The following WWP2 variants were observed in gnomAD, a reference collection of about 807,000 sequenced individuals.
WWP2 encodes the protein WW domain containing E3 ubiquitin protein ligase 2.
A neutral mutation model predicts 121.0 loss-of-function variants in WWP2; 57 were observed. That is an observed-to-expected ratio of 0.47 (90% confidence interval 0.38 to 0.59). WWP2 has a LOEUF of 0.59. Among genes scored for constraint, WWP2 ranks in the 20% least tolerant of loss-of-function variants. WWP2 has a pLI of 0.00. For missense variants in WWP2, 962 were observed against 1,158.9 expected, an observed-to-expected ratio of 0.83 and a Z score of 2.47; for synonymous variants, 449 against 441.3, an observed-to-expected ratio of 1.02 and a Z score of -0.22.
chr16:69,878,808 T>C (rs923988278), intron 7 of WWP2, among the ~76,000 whole-genome samples: 1 of 152,232 alleles, frequency 6.6e-6, no homozygotes, highest in African/African-American at 2.4e-5. Context: ...CTGCTGTAAA[T>C]ACCTGTATAT....
chr16:69,927,028 C>T (rs894732703), intron 11 of WWP2, among the ~76,000 whole-genome samples: 1 of 151,954 alleles, frequency 6.6e-6, no homozygotes, highest in Admixed American at 6.6e-5. Context: ...GAAAACAGCT[C>T]TCGAATGCTA....
chr16:69,917,831 G>A lies in WWP2; in HGVS notation c.1127G>A (p.Arg376Gln), dbSNP rs778337264. 1.5e-5 allele frequency: 24 copies of A among 1,613,856 alleles called. No homozygotes were observed. The highest frequency in any genetic ancestry group is 1.7e-5 in the Admixed American group (1 of 60,000). Residue 376 changes from arginine (R) to glutamine (Q), a missense_variant, in exon 10 of 24, where the codon CGG becomes CAG. Transcript: ENST00000359154. ...VRNYEQWQSQ[R>Q]NQLQGAMQHF... ...AACTATGAGCAGTGGCAGTCGCAGCGGAATCAGCTCCAGGGGGCCATGCAG... is the reference window on the plus strand; with the variant it reads ...AACTATGAGCAGTGGCAGTCGCAGCAGAATCAGCTCCAGGGGGCCATGCAG...
In WWP2 at chr16:69,926,601, G is replaced by A. The variant is rs189679717; in HGVS notation, c.1234+1117G>A. 1.6e-4 allele frequency among the ~76,000 whole-genome samples: 25 copies of A among 152,280 alleles called. 1 individual carries two copies. The East Asian group carries it at 3.3e-3, about 20-fold the overall frequency. ...TGTTATACCTGCAGGGTACCACTTA[G>A]TCAATGAGCACTGCAGTCCAGTGTG... On this transcript the variant is annotated intron_variant, in intron 11 of 23. Transcript: ENST00000359154.
chr16:69,850,438 T>G (rs2057186489), intron 6 of WWP2, among the ~76,000 whole-genome samples: 1 of 150,170 alleles, frequency 6.7e-6, no homozygotes, highest in Non-Finnish European at 1.5e-5. Flanking sequence ...TCAGGGAGTG[T>G]CTCTAGTAGG....
intron 4 of WWP2, among the ~76,000 whole-genome samples, chr16:69,828,317 C>G (rs2056738696): frequency 6.6e-6 from 1 of 152,162 alleles, no homozygotes; most frequent in Non-Finnish European, 1.5e-5. Context: ...TCCCATCTCT[C>G]TAGCTGTTCT....
chr16:69,894,242 A>C (rs1028464116), intron 8 of WWP2, among the ~76,000 whole-genome samples: 1 of 132,080 alleles, frequency 7.6e-6, no homozygotes. Context: ...TACCCAGGCT[A>C]TTTTTTTTTT....
At chr16:69,810,895 C>T (rs1458733087) in intron 4 of WWP2, among the ~76,000 whole-genome samples, 2 of 151,840 alleles carry the variant, frequency 1.3e-5, no homozygotes, top group African/African-American at 4.8e-5. Context: ...GGTGGGATTA[C>T]AGGTTCACAC....
chr16:69,820,297 C>T (rs1198259649), intron 4 of WWP2, among the ~76,000 whole-genome samples: 1 of 152,226 alleles, frequency 6.6e-6, no homozygotes, highest in Non-Finnish European at 1.5e-5. Flanking sequence ...GGCTGGAGTG[C>T]AGTGGTGCAT....
intron 7 of WWP2, among the ~76,000 whole-genome samples, chr16:69,879,668 G>A (rs974310827): frequency 2.6e-5 from 4 of 152,172 alleles, no homozygotes; most frequent in Non-Finnish European, 4.4e-5. Context: ...TTGGAATAAT[G>A]CGGGTGAGAA....
intron 4 of WWP2, among the ~76,000 whole-genome samples, chr16:69,806,106 C>G (rs2056269542): frequency 6.6e-6 from 1 of 152,098 alleles, no homozygotes; most frequent in Admixed American, 6.6e-5. Context: ...GTGACTGAGG[C>G]AGGAGGATCA....
chr16:69,901,769 C>T (rs2058209352), intron 8 of WWP2, among the ~76,000 whole-genome samples: 1 of 152,020 alleles, frequency 6.6e-6, no homozygotes, highest in Admixed American at 6.6e-5. Context: ...TTTGGTGTAT[C>T]AATTTATAAG....
chr16:69,792,263 A>G (rs1028545443), intron 2 of WWP2, among the ~76,000 whole-genome samples: 12 of 152,148 alleles, frequency 7.9e-5, no homozygotes, highest in Non-Finnish European at 2.9e-5. Flanking sequence ...ACACTGAAAA[A>G]CTGATCTCTG....
rs61285331 is a variant in WWP2, at chr16:69,794,953, G to A, written c.71-3729G>A. ...GTCTGGGGACTGGGCAGTAGCTCAT[G>A]TTTGTAATCCCAGCATTTTGGAAAG... On this transcript the variant is annotated intron_variant, in intron 2 of 23. Coordinates refer to ENST00000359154, the MANE Select transcript of WWP2 (RefSeq NM_001270454.2). Among the ~76,000 whole-genome samples, 203 of 152,298 alleles carry A rather than the reference G, an allele frequency of 1.3e-3. 8 individuals carry two copies. In the East Asian group the frequency reaches 0.036, roughly 27 times the overall value.
At chr16:69,815,260 C>A (rs1001963480) in intron 4 of WWP2, among the ~76,000 whole-genome samples, 1 of 152,098 alleles carries the variant, frequency 6.6e-6, no homozygotes, top group Non-Finnish European at 1.5e-5. Flanking sequence ...ATCTTGGCCT[C>A]CCAAAGTGCT....
At chr16:69,883,942 G>T (rs1183415623) in intron 7 of WWP2, among the ~76,000 whole-genome samples, 1 of 152,072 alleles carries the variant, frequency 6.6e-6, no homozygotes, top group East Asian at 1.9e-4. Flanking sequence ...TCTTTTCGTG[G>T]TCAGCTATTT....
In WWP2 at chr16:69,799,581, G is replaced by A. The variant is rs1358681247; in HGVS notation, c.340+286G>A. The A allele has an allele frequency of 1.2e-5, 4 of 337,744 alleles. No homozygotes were observed. Among genetic ancestry groups the A allele is most frequent in the African/African-American group, 6.3e-5 (3 of 47,802 alleles). The allele number at this position is 337,744 out of a possible 1,614,324, so 20.9% of individuals were successfully genotyped here. Reference sequence around the variant, plus strand: ...TCTGTCTGCCTCTGCTCCTCTTCCCGTTGCAGGAGATGTGTGATATGTTGA... The same window carrying A: ...TCTGTCTGCCTCTGCTCCTCTTCCCATTGCAGGAGATGTGTGATATGTTGA... On this transcript the variant is annotated intron_variant, in intron 4 of 23. Coordinates refer to ENST00000359154, the MANE Select transcript of WWP2 (RefSeq NM_001270454.2). The surrounding 1 kb of genome is among the most constrained non-coding windows in gnomAD (Gnocchi z 4.5).
intron 16 of WWP2, among the ~76,000 whole-genome samples, chr16:69,932,919 G>T (rs945063562): frequency 6.6e-6 from 1 of 152,208 alleles, no homozygotes; most frequent in African/African-American, 2.4e-5. Context: ...TCCCGGTGTG[G>T]GCATGTCTTC....
chr16:69,858,966 A>G (rs1239709967), intron 6 of WWP2, among the ~76,000 whole-genome samples: 1 of 152,232 alleles, frequency 6.6e-6, no homozygotes, highest in South Asian at 2.1e-4. Flanking sequence ...CTGCTGAACT[A>G]GACCAGCAAG....
At chr16:69,844,800 A>G (rs2057039779) in intron 6 of WWP2, among the ~76,000 whole-genome samples, 1 of 152,220 alleles carries the variant, frequency 6.6e-6, no homozygotes, top group South Asian at 2.1e-4. Context: ...GCAGGCTTTT[A>G]CTACGTGTAG....
Sources: allele counts gnomAD v4.1 joint callset (sites outside exome capture counted in the v4.1 genomes callset), GRCh38; gene constraint gnomAD v4.1.1; non-coding constraint Gnocchi (gnomAD v3.1); transcripts MANE v1.5; gene names NCBI Gene and HGNC (gene_info 2026-07-23, HGNC 2026-07-21).